The following EVI5 variants were observed in gnomAD, a reference collection of about 807,000 sequenced individuals.
EVI5 encodes the protein ecotropic viral integration site 5 protein homolog.
In EVI5, 73 loss-of-function variants were observed where a neutral mutation model predicts 112.0. That is an observed-to-expected ratio of 0.65 (90% CI 0.54 to 0.79). The LOEUF (loss-of-function observed/expected upper bound fraction) is 0.79, where lower values mean the gene tolerates loss of function less well. EVI5 is among the 30% of genes least tolerant of loss of function. The pLI, the probability that EVI5 is intolerant of heterozygous loss-of-function variation, is 0.00. For synonymous variants in EVI5, 305 were observed against 319.9 expected (o/e 0.95, Z 0.50); for missense variants, 900 against 968.8 (o/e 0.93, Z 0.94).
chr1:92,665,848 CAT>C (rs1664792707), intron 11 of EVI5, 89 bp downstream of exon 11: 6 of 837,452 alleles, frequency 7.2e-6, no homozygotes, highest in East Asian at 2.5e-5. Context: ...ACATAGGAGA[CAT>C]GTGCCAGAAT....
intron 15 of EVI5, among the ~76,000 whole-genome samples, chr1:92,625,422 A>G (rs1332427936): frequency 2.6e-5 from 4 of 152,190 alleles, no homozygotes; most frequent in Non-Finnish European, 5.9e-5. Flanking sequence ...TATACATTAA[A>G]TTTATAATGT....
At chr1:92,542,683 G>T (rs1291703859) in intron 19 of EVI5, among the ~76,000 whole-genome samples, 2 of 152,054 alleles carry the variant, frequency 1.3e-5, no homozygotes, top group African/African-American at 4.8e-5. Flanking sequence ...GGAGCCTTAT[G>T]AAATGATGTC....
At chr1:92,563,890 T>A (rs1057053566) in intron 18 of EVI5, among the ~76,000 whole-genome samples, 153 bp from the exon 19 acceptor site, 8 of 152,210 alleles carry the variant, frequency 5.3e-5, no homozygotes, top group African/African-American at 1.9e-4. Flanking sequence ...TGACAAACAA[T>A]TCATAATGAA....
intron 16 of EVI5, among the ~76,000 whole-genome samples, chr1:92,609,050 TA>T (rs1230288319): frequency 6.6e-5 from 10 of 152,162 alleles, no homozygotes; most frequent in Admixed American, 1.3e-4. Context: ...CAGAATGTGC[TA>T]AAAAAACATA....
chr1:92,725,220 A>T (rs1675382296), intron 2 of EVI5, among the ~76,000 whole-genome samples: 1 of 152,174 alleles, frequency 6.6e-6, no homozygotes, highest in South Asian at 2.1e-4. Flanking sequence ...CCACCAGAAA[A>T]GATTAGATGT....
At position 92,703,359 on chromosome 1, in the gene EVI5, T is replaced by C. The variant is rs759584039; in HGVS notation, c.564+36A>G. On this transcript the variant is annotated intron_variant, in intron 4 of 19. Coordinates refer to ENST00000684568, the MANE Select transcript of EVI5 (RefSeq NM_001350197.2). ...TGTATAATTTCAACCTTCCAGGAAT[T>C]CATTTCATTTCAAAAAATGAATAAA... 59 of 1,223,862 alleles carry C rather than the reference T, an allele frequency of 4.8e-5. No individual in the cohort carries two copies. The South Asian group carries it at 7.9e-4, about 16-fold the overall frequency. 75.8% of individuals were successfully genotyped at this position (1,223,862 alleles called of 1,614,324 possible). A position where few individuals can be genotyped will look rare whatever the true frequency, so the allele number is the denominator to read the frequency against.
At chr1:92,643,373 C>G (rs1028673651) in intron 13 of EVI5, among the ~76,000 whole-genome samples, 2 of 145,298 alleles carry the variant, frequency 1.4e-5, no homozygotes, top group Non-Finnish European at 3.0e-5. Context: ...CATCAATGAT[C>G]ACTCAAGTGA....
rs141559165 is a variant in EVI5 at position 92,624,689 on chromosome 1, CAAAAAAAAAAAAAAAAAAA to C, written c.1669-374_1669-356del. 5.5e-3 allele frequency among the ~76,000 whole-genome samples: 285 copies of C among 51,804 alleles called. 5 individuals carry two copies. The highest frequency in any genetic ancestry group is 0.021 in the African/African-American group (264 of 12,634). The allele number at this position is 51,804 out of a possible 152,430, so 34.0% of individuals were successfully genotyped here. ...GAAACCCTGTCTCTAGTCTCTACTTCAAAAAAAAAAAAAAAAAAAAAAAAAAAAAAAGAATTTATTGGAG... is the reference window on the plus strand; with the variant it reads ...GAAACCCTGTCTCTAGTCTCTACTTCAAAAAAAAAAAAGAATTTATTGGAG... On this transcript the variant is annotated intron_variant, in intron 15 of 19. Coordinates refer to ENST00000684568, the MANE Select transcript of EVI5 (RefSeq NM_001350197.2).
intron 11 of EVI5, among the ~76,000 whole-genome samples, chr1:92,665,421 G>A (rs1664733675): frequency 6.6e-6 from 1 of 152,074 alleles, no homozygotes; most frequent in African/African-American, 2.4e-5. Flanking sequence ...CAGAGAAAAT[G>A]TAACAAGTAG....
At chr1:92,634,365 AC>A (rs1180588457) in intron 14 of EVI5, among the ~76,000 whole-genome samples, 1 of 151,950 alleles carries the variant, frequency 6.6e-6, no homozygotes, top group Non-Finnish European at 1.5e-5. Flanking sequence ...TTTCTTGGAG[AC>A]TTTTTTCGTT....
Position 92,663,453 on chromosome 1 carries a change from CT to C in EVI5, c.1213-2del. On this transcript the variant is annotated splice_acceptor_variant, in intron 11 of 19. Coordinates refer to ENST00000684568, the MANE Select transcript of EVI5 (RefSeq NM_001350197.2). LOFTEE classifies it high-confidence loss of function. ...ATCTATCTGCCAAGGAAGCACTTTC[CT>C]ACAAAAGGAAAAATTCAGATAGAAA... is the stretch of plus-strand genomic sequence containing the variant. The C allele has an allele frequency of 7.1e-7, 1 of 1,404,620 alleles. No homozygotes were observed. Among genetic ancestry groups the C allele is most frequent in the Non-Finnish European group, 9.5e-7 (1 of 1,051,704 alleles). 87.0% of individuals were successfully genotyped at this position (1,404,620 alleles called of 1,614,324 possible).
chr1:92,688,861 T>C (rs1357698104), intron 9 of EVI5, among the ~76,000 whole-genome samples: 1 of 152,224 alleles, frequency 6.6e-6, no homozygotes, highest in African/African-American at 2.4e-5. Flanking sequence ...AACAGGAAGC[T>C]TGAGCATTTT....
At chr1:92,624,838 G>A (rs1655319868) in intron 15 of EVI5, among the ~76,000 whole-genome samples, 1 of 151,528 alleles carries the variant, frequency 6.6e-6, no homozygotes, top group African/African-American at 2.4e-5. Context: ...TGCCATTATT[G>A]GTTCCCAACT....
intron 1 of EVI5, 64 bp downstream of exon 1, chr1:92,784,772 C>A (rs917245788): frequency 1.0e-6 from 1 of 968,446 alleles, no homozygotes; most frequent in Admixed American, 6.2e-5. Context: ...TGTGCGCCAG[C>A]GGAACACGGA....
chr1:92,592,892 G>A (rs1161379934), intron 18 of EVI5, among the ~76,000 whole-genome samples: 1 of 152,132 alleles, frequency 6.6e-6, no homozygotes, highest in Admixed American at 6.5e-5. Context: ...TCTCTGAATA[G>A]ACCAATAACA....
intron 14 of EVI5, among the ~76,000 whole-genome samples, chr1:92,627,310 A>G (rs1010013895): frequency 3.9e-5 from 6 of 152,276 alleles, no homozygotes; most frequent in South Asian, 4.2e-4. Context: ...ATAGTCTCCA[A>G]TCTCATCCAG....
intron 9 of EVI5, among the ~76,000 whole-genome samples, chr1:92,679,066 A>T (rs1484005433): frequency 1.3e-5 from 2 of 152,196 alleles, no homozygotes; most frequent in Non-Finnish European, 2.9e-5. Context: ...GCAAGTGAAC[A>T]TCACTGCCTG....
intron 19 of EVI5, among the ~76,000 whole-genome samples, chr1:92,549,801 A>C (rs1308009286): frequency 6.6e-6 from 1 of 152,224 alleles, no homozygotes; most frequent in Non-Finnish European, 1.5e-5. Context: ...ACAGTGAGAC[A>C]CCATCTCACA....
intron 18 of EVI5, among the ~76,000 whole-genome samples, chr1:92,595,405 A>G (rs946228610): frequency 6.6e-6 from 1 of 151,792 alleles, no homozygotes; most frequent in Non-Finnish European, 1.5e-5. Context: ...TCACACACCG[A>G]GGCCTGTTGT....
Sources: allele counts gnomAD v4.1 joint callset (sites outside exome capture counted in the v4.1 genomes callset), GRCh38; gene constraint gnomAD v4.1.1; transcripts MANE v1.5; gene names NCBI Gene and HGNC (gene_info 2026-07-23, HGNC 2026-07-21).